MACROD1: variants seen among roughly 807,000 people sequenced by gnomAD.
MACROD1 encodes the protein ADP-ribose glycohydrolase MACROD1.
MACROD1 carries 31 observed loss-of-function variants against 41.4 expected under a neutral mutation model. That is an observed-to-expected ratio of 0.75 (90% CI 0.56 to 1.01). The LOEUF is 1.01. MACROD1 is among the 50% of genes least tolerant of loss of function. The pLI is 0.00. For missense variants in MACROD1, 473 were observed against 460.0 expected, an observed-to-expected ratio of 1.03 and a Z score of -0.26; for synonymous variants, 252 against 203.4, an observed-to-expected ratio of 1.24 and a Z score of -2.03.
intron 3 of MACROD1, among the ~76,000 whole-genome samples, chr11:64,107,325 G>A (rs1048403789): frequency 6.6e-6 from 1 of 152,162 alleles, no homozygotes; most frequent in Non-Finnish European, 1.5e-5. Context: ...AAAATTACAC[G>A]TGTCTCCTTT....
chr11:64,078,725 G>C (rs1357087671), intron 3 of MACROD1, among the ~76,000 whole-genome samples: 3 of 152,132 alleles, frequency 2.0e-5, no homozygotes. Flanking sequence ...TTTGCCCTCA[G>C]GGAGGGCACC....
chr11:64,028,472 G>GGCAGGAGGCGGAAGGAAGGA (rs1943250450), intron 3 of MACROD1, among the ~76,000 whole-genome samples: 1 of 152,234 alleles, frequency 6.6e-6, no homozygotes, highest in South Asian at 2.1e-4. Flanking sequence ...GGAGGTGGGA[G>GGCAGGAGGCGGAAGGAAGGA]GCAGGAGGCG....
chr11:64,151,309 C>A lies in MACROD1; in HGVS notation c.447G>T (p.Gln149His). 1.4e-5 allele frequency: 23 copies of A among 1,613,980 alleles called. No individual in the cohort carries two copies. The highest frequency in any genetic ancestry group is 1.9e-5 in the Non-Finnish European group (23 of 1,180,022). ...GGAGCAGGGAGATTTTCTCATTGAG[C>A]TGCTTGTCCTTTTTATACCTGGGCT... ...VEEPRYKKDK[Q>H]LNEKISLLRS... The change falls in exon 3 of 11, where the codon CAG becomes CAT. Residue 149 changes from glutamine (Q) to histidine (H), a missense_variant. Physicochemically the swap from Gln to His is conservative, Grantham distance 24. Coordinates refer to ENST00000255681, the MANE Select transcript of MACROD1 (RefSeq NM_014067.4).
At chr11:64,009,143 C>T (rs777819236) in intron 4 of MACROD1, 1 of 152,166 alleles carries the variant, frequency 6.6e-6, no homozygotes, top group African/African-American at 2.4e-5. Context: ...ACATTTCAGT[C>T]CTAATAAACA....
At chr11:64,075,629 C>T (rs1053057266) in intron 3 of MACROD1, among the ~76,000 whole-genome samples, 1 of 152,238 alleles carries the variant, frequency 6.6e-6, no homozygotes, top group African/African-American at 2.4e-5. Flanking sequence ...ACCTACACAG[C>T]TCTGGCTGAG....
At chr11:64,000,183 C>G (rs547601412) in intron 5 of MACROD1, 44 bp downstream of exon 5, 91 of 1,502,576 alleles carry the variant, frequency 6.1e-5, no homozygotes, top group South Asian at 5.3e-4. Flanking sequence ...GACACACGGG[C>G]GCCCTGTCTG....
chr11:64,116,345 G>A (rs763842786), intron 3 of MACROD1: 17 of 1,612,158 alleles, frequency 1.1e-5, no homozygotes, highest in African/African-American at 4.0e-5. Context: ...TGATGACCAC[G>A]GCCACCATGG....
intron 3 of MACROD1, among the ~76,000 whole-genome samples, chr11:64,044,044 A>C (rs539591762): frequency 4.0e-5 from 6 of 151,764 alleles, no homozygotes; most frequent in Non-Finnish European, 7.4e-5. Flanking sequence ...CGAACTCCTG[A>C]CCCTCAGGTG....
intron 3 of MACROD1, among the ~76,000 whole-genome samples, chr11:64,021,904 G>C (rs930526477): frequency 7.2e-6 from 1 of 138,370 alleles, no homozygotes; most frequent in Admixed American, 7.4e-5. Flanking sequence ...CAGAGGCCGA[G>C]AAGGAAATGC....
chr11:64,032,566 C>G (rs192767589), intron 3 of MACROD1, among the ~76,000 whole-genome samples: 1 of 152,108 alleles, frequency 6.6e-6, no homozygotes, highest in Non-Finnish European at 1.5e-5. Context: ...CTCTGGGAGC[C>G]GGGAAGCTGG....
intron 4 of MACROD1, chr11:64,009,049 C>T (rs1393906708): frequency 2.0e-5 from 3 of 152,088 alleles, no homozygotes; most frequent in Non-Finnish European, 2.9e-5. Flanking sequence ...CCCTTTAGTG[C>T]AAAAGTGGCA....
intron 3 of MACROD1, among the ~76,000 whole-genome samples, chr11:64,113,871 C>CATGGATGGAAGGATGGATGG (rs572595392): frequency 3.9e-5 from 3 of 77,912 alleles, no homozygotes; most frequent in Non-Finnish European, 5.8e-5. Flanking sequence ...TGGATTGATA[C>CATGGATGGAAGGATGGATGG]ATGGATGGAT....
intron 3 of MACROD1, among the ~76,000 whole-genome samples, chr11:64,145,777 T>C (rs1945486860): frequency 6.6e-6 from 1 of 150,724 alleles, no homozygotes; most frequent in Non-Finnish European, 1.5e-5. Context: ...TTTTCTTTTT[T>C]TTTGAGATGG....
At chr11:64,142,729 G>A (rs971357739) in intron 3 of MACROD1, among the ~76,000 whole-genome samples, 4 of 152,204 alleles carry the variant, frequency 2.6e-5, no homozygotes, top group African/African-American at 9.7e-5. Flanking sequence ...TTTCTAATGT[G>A]GGGAGGGGGC....
chr11:64,159,320 GAAAAAAA>G (rs34061690), intron 1 of MACROD1, among the ~76,000 whole-genome samples: 41 of 103,986 alleles, frequency 3.9e-4, no homozygotes, highest in African/African-American at 1.5e-3. Flanking sequence ...CTCCGTCTCA[GAAAAAAA>G]AAAAAAAAAA....
At position 64,120,298 on chromosome 11, in the gene MACROD1, C is replaced by T. The variant is rs578026273; in HGVS notation, c.517+30941G>A. 6.6e-6 allele frequency among the ~76,000 whole-genome samples: 1 copy of T among 152,334 alleles called. No homozygotes were observed. The highest frequency in any genetic ancestry group is 2.1e-4 in the South Asian group (1 of 4,826). On this transcript the variant is annotated intron_variant, in intron 3 of 10. Coordinates refer to ENST00000255681, the MANE Select transcript of MACROD1 (RefSeq NM_014067.4). The surrounding 1 kb of genome is among the most constrained non-coding windows in gnomAD (Gnocchi z 4.5). ...CAGCGTGGTCACGTTTCACTCGAAA[C>T]TAGACGTGTTTTTCCTTTTCCTGCC...
chr11:64,128,329 C>T (rs1356224820), intron 3 of MACROD1, among the ~76,000 whole-genome samples: 1 of 152,184 alleles, frequency 6.6e-6, no homozygotes, highest in Non-Finnish European at 1.5e-5. Flanking sequence ...TTCTGGAACA[C>T]AGTCAGCCAG....
chr11:64,122,326 C>G lies in MACROD1; in HGVS notation c.517+28913G>C, dbSNP rs527761512. 6.6e-6 allele frequency among the ~76,000 whole-genome samples: 1 copy of G among 152,186 alleles called. No individual in the cohort carries two copies. Among genetic ancestry groups the G allele is most frequent in the Non-Finnish European group, 1.5e-5 (1 of 68,026 alleles). On this transcript the variant is annotated intron_variant, in intron 3 of 10. Coordinates refer to ENST00000255681, the MANE Select transcript of MACROD1 (RefSeq NM_014067.4). The surrounding 1 kb of genome is among the most constrained non-coding windows in gnomAD (Gnocchi z 4.0). ...CTGACACAGGGCCAGGATGCAGGTCCGGAGCCAAGAGCAGGGGCATTGCAC... is the reference window on the plus strand; with the variant it reads ...CTGACACAGGGCCAGGATGCAGGTCGGGAGCCAAGAGCAGGGGCATTGCAC...
At chr11:64,063,204 CAGAG>C (rs766477619) in intron 3 of MACROD1, among the ~76,000 whole-genome samples, 6 of 152,088 alleles carry the variant, frequency 3.9e-5, no homozygotes, top group African/African-American at 7.2e-5. Context: ...TTAGGGTACA[CAGAG>C]AGGTCGCTTA....
Sources: gnomAD v4.1 joint callset for allele counts (sites outside exome capture counted in the v4.1 genomes callset) on GRCh38, gnomAD v4.1.1 for gene constraint, Gnocchi (gnomAD v3.1) non-coding constraint, MANE v1.5 for transcripts, NCBI Gene and HGNC (gene_info 2026-07-23, HGNC 2026-07-21) for gene names.